The following FHOD3 variants were observed in gnomAD, a reference collection of about 807,000 sequenced individuals.
FHOD3 encodes formin homology 2 domain containing 3.
Under a neutral mutation model 173.0 loss-of-function variants are expected in FHOD3, and 90 were observed. The ratio of observed to expected loss-of-function variants is 0.52; its 90% confidence interval spans 0.44 to 0.62. The LOEUF (loss-of-function observed/expected upper bound fraction) is 0.62, where lower values mean the gene tolerates loss of function less well. Ranked by LOEUF, FHOD3 falls within the 20% of genes least tolerant of loss-of-function variation. FHOD3 has a pLI of 0.00. For missense variants in FHOD3, 1,945 were observed against 2,034.7 expected (o/e 0.96, Z 0.85); for synonymous variants, 828 against 823.0 (o/e 1.01, Z -0.10).
chr18:36,474,642 T>C (rs1387064172), intron 3 of FHOD3, among the ~76,000 whole-genome samples: 4 of 151,888 alleles, frequency 2.6e-5, no homozygotes, highest in Non-Finnish European at 5.9e-5. Flanking sequence ...TGAGGTAGGG[T>C]GGCGGCAAGC....
chr18:36,718,968 G>A (rs986221043), intron 19 of FHOD3, among the ~76,000 whole-genome samples: 2 of 152,152 alleles, frequency 1.3e-5, no homozygotes, highest in Admixed American at 6.6e-5. Flanking sequence ...GAACCAGATA[G>A]CCCTGAGGAA....
chr18:36,709,425 C>A, intron 18 of FHOD3, 34 bp downstream of exon 18: 1 of 1,587,792 alleles, frequency 6.3e-7, no homozygotes, highest in Non-Finnish European at 8.6e-7. Flanking sequence ...TCGGCATGTG[C>A]CAGGGAGGCC....
At chr18:36,717,677 C>A (rs1212407254) in intron 18 of FHOD3, among the ~76,000 whole-genome samples, 155 bp from the exon 19 acceptor site, 1 of 152,178 alleles carries the variant, frequency 6.6e-6, no homozygotes, top group Non-Finnish European at 1.5e-5. Flanking sequence ...TCTCTTCTTG[C>A]CCAAGAGCGC....
chr18:36,434,468 T>C (rs1022723778), intron 3 of FHOD3, among the ~76,000 whole-genome samples: 1 of 152,234 alleles, frequency 6.6e-6, no homozygotes, highest in Non-Finnish European at 1.5e-5. Flanking sequence ...CATTGTTGTA[T>C]TGTACATTTT....
At chr18:36,364,468 A>G (rs2046792374) in intron 2 of FHOD3, among the ~76,000 whole-genome samples, 1 of 152,208 alleles carries the variant, frequency 6.6e-6, no homozygotes, top group Non-Finnish European at 1.5e-5. Context: ...GGCACAGTGA[A>G]TAGTGGGCTG....
At chr18:36,355,693 A>G in intron 2 of FHOD3, 48 bp downstream of exon 2, 1 of 1,474,636 alleles carries the variant, frequency 6.8e-7, no homozygotes, top group Non-Finnish European at 9.5e-7. Flanking sequence ...CTACCAGGAA[A>G]TGGGGGTACA....
intron 3 of FHOD3, among the ~76,000 whole-genome samples, chr18:36,494,599 A>G (rs2054639528): frequency 6.6e-6 from 1 of 152,192 alleles, no homozygotes; most frequent in South Asian, 2.1e-4. Context: ...CCTAAAAGTA[A>G]GGGATGTATA....
intron 3 of FHOD3, among the ~76,000 whole-genome samples, chr18:36,482,318 C>T (rs1235226878): frequency 6.6e-6 from 1 of 152,048 alleles, no homozygotes; most frequent in Non-Finnish European, 1.5e-5. Context: ...AAAACAGACA[C>T]GTGCTTCTGA....
intron 13 of FHOD3, among the ~76,000 whole-genome samples, chr18:36,654,018 C>T (rs1201097850): frequency 2.0e-5 from 3 of 152,208 alleles, no homozygotes; most frequent in Admixed American, 2.0e-4. Flanking sequence ...CAGCCTGTTC[C>T]AGAGTCGCTT....
chr18:36,338,221 A>G (rs1157158429), intron 1 of FHOD3, among the ~76,000 whole-genome samples: 1 of 152,184 alleles, frequency 6.6e-6, no homozygotes, highest in African/African-American at 2.4e-5. Context: ...TCTTTGTGTC[A>G]CGTGAACCAG....
chr18:36,332,766 G>A (rs2045089220), intron 1 of FHOD3, among the ~76,000 whole-genome samples: 1 of 152,186 alleles, frequency 6.6e-6, no homozygotes, highest in South Asian at 2.1e-4. Context: ...ATAGCGGTAA[G>A]GCGGTTGCCA....
rs190419279 is a variant in FHOD3, at chr18:36,477,736, C to T, written c.338-24196C>T. On this transcript the variant is annotated intron_variant, in intron 3 of 28. Transcript: ENST00000590592. ...GACATAAAAGTACAAGTCTTAAATC[C>T]CTGATAGCCCTGAGATGCTACAATC... is the stretch of plus-strand genomic sequence containing the variant. Among the ~76,000 whole-genome samples the T allele has an allele frequency of 1.2e-3, 177 of 152,134 alleles. 1 individual carries two copies. The highest frequency in any genetic ancestry group is 4.1e-3 in the African/African-American group (172 of 41,474).
intron 16 of FHOD3, among the ~76,000 whole-genome samples, chr18:36,691,639 G>T (rs1057038539): frequency 1.3e-5 from 2 of 152,168 alleles, no homozygotes; most frequent in African/African-American, 4.8e-5. Context: ...AGCCTGAAGT[G>T]TTTGTGTCTA....
At chr18:36,409,197 G>C (rs1010903587) in intron 3 of FHOD3, among the ~76,000 whole-genome samples, 2 of 152,122 alleles carry the variant, frequency 1.3e-5, no homozygotes, top group South Asian at 2.1e-4. Flanking sequence ...CCTTGAGCAG[G>C]GTGAAGGGGC....
intron 5 of FHOD3, among the ~76,000 whole-genome samples, chr18:36,515,873 A>G (rs536761785): frequency 6.6e-6 from 1 of 152,344 alleles, no homozygotes; most frequent in Middle Eastern, 3.4e-3. Flanking sequence ...TTCTTTCCAC[A>G]GAACAGAGGT....
chr18:36,468,092 G>A (rs1384294628), intron 3 of FHOD3, among the ~76,000 whole-genome samples: 1 of 152,178 alleles, frequency 6.6e-6, no homozygotes, highest in Non-Finnish European at 1.5e-5. Context: ...GCTCCCATGC[G>A]AAGCTTCTGG....
intron 8 of FHOD3, among the ~76,000 whole-genome samples, chr18:36,610,980 C>T (rs1238607529): frequency 1.3e-5 from 2 of 152,186 alleles, no homozygotes; most frequent in Non-Finnish European, 2.9e-5. Flanking sequence ...AAATCTCAGG[C>T]TCCTTCCATC....
chr18:36,598,339 A>G (rs956557341), intron 7 of FHOD3, among the ~76,000 whole-genome samples: 2 of 152,308 alleles, frequency 1.3e-5, no homozygotes, highest in South Asian at 4.1e-4. Context: ...ATTACTACCT[A>G]AAGCAAATGA....
intron 1 of FHOD3, among the ~76,000 whole-genome samples, chr18:36,323,381 A>G (rs936814868): frequency 1.3e-5 from 2 of 152,212 alleles, no homozygotes; most frequent in Non-Finnish European, 2.9e-5. Flanking sequence ...GAGGCTTCAA[A>G]TAGCATCTTT....
Sources: gnomAD v4.1 joint callset for allele counts (sites outside exome capture counted in the v4.1 genomes callset) on GRCh38, gnomAD v4.1.1 for gene constraint, MANE v1.5 for transcripts, NCBI Gene and HGNC (gene_info 2026-07-23, HGNC 2026-07-21) for gene names.